The following UNC13B variants were observed in gnomAD, a reference collection of about 807,000 sequenced individuals.
UNC13B encodes unc-13 homolog B, also known as protein unc-13 homolog B.
In UNC13B, 144 loss-of-function variants were observed where a neutral mutation model predicts 211.0. The ratio of observed to expected loss-of-function variants is 0.68; its 90% confidence interval spans 0.60 to 0.78. The LOEUF is 0.78. UNC13B is among the 30% of genes least tolerant of loss of function. The probability of loss-of-function intolerance (pLI) is 0.00; values close to 1 mark genes in which losing one functional copy is unlikely to be tolerated. For synonymous variants in UNC13B, 709 were observed against 725.8 expected, an observed-to-expected ratio of 0.98 and a Z score of 0.37; for missense variants, 1,777 against 2,002.0, an observed-to-expected ratio of 0.89 and a Z score of 2.14.
intron 11 of UNC13B, among the ~76,000 whole-genome samples, chr9:35,324,947 C>T (rs951967981): frequency 6.6e-6 from 1 of 152,158 alleles, no homozygotes; most frequent in African/African-American, 2.4e-5. Flanking sequence ...TTCAGCTTGT[C>T]CCAATCAAAA....
Position 35,398,226 on chromosome 9 carries a change from A to G in UNC13B, c.11770A>G (p.Asn3924Asp). 6.2e-7 allele frequency: 1 copy of G among 1,613,894 alleles called. No homozygotes were observed. Among genetic ancestry groups the G allele is most frequent in the Non-Finnish European group, 8.5e-7 (1 of 1,179,912 alleles). Residue 3924 changes from asparagine (N) to aspartate (D), a missense_variant, in exon 31 of 40, where the codon AAC (asparagine) becomes GAC (aspartate). By Grantham distance (23) the Asn-to-Asp change is conservative. Transcript: ENST00000635942. ...GTCCCCAAAGCCCTGCATCCTGATGAACAACGTGCAGCAACTGAGGGTCCA... is the reference window on the plus strand; with the variant it reads ...GTCCCCAAAGCCCTGCATCCTGATGGACAACGTGCAGCAACTGAGGGTCCA... Reference protein sequence around the residue: ...TKEKLPCILMNNVQQLRVQLE... With the variant: ...TKEKLPCILMDNVQQLRVQLE...
chr9:35,187,312 C>G (rs1440941404), intron 1 of UNC13B, among the ~76,000 whole-genome samples: 2 of 152,206 alleles, frequency 1.3e-5, no homozygotes, highest in Non-Finnish European at 2.9e-5. Context: ...GATAATTGCC[C>G]AGAACTAGCA....
chr9:35,377,728 G>A (rs1391292878), intron 16 of UNC13B, 33 bp downstream of exon 16: 3 of 1,602,890 alleles, frequency 1.9e-6, no homozygotes, highest in Non-Finnish European at 2.6e-6. Context: ...GGACAGGAAG[G>A]CCTGGGCTAT....
In UNC13B at chr9:35,370,407, A is replaced by G. The variant is rs1428611159; in HGVS notation, c.9540+11A>G. The G allele has an allele frequency of 5.6e-6, 9 of 1,612,924 alleles. No individual in the cohort carries two copies. Among genetic ancestry groups the G allele is most frequent in the Admixed American group, 1.7e-5 (1 of 59,976 alleles). On this transcript the variant is annotated intron_variant, in intron 13 of 39. Transcript: ENST00000635942. ...CTTGTCAGTGATCTGGTGAGTGAAGACTCTTGTGCAGGCATAGGCAGTAGC... is the reference window on the plus strand; with the variant it reads ...CTTGTCAGTGATCTGGTGAGTGAAGGCTCTTGTGCAGGCATAGGCAGTAGC...
intron 11 of UNC13B, among the ~76,000 whole-genome samples, chr9:35,326,730 C>T (rs1304389056): frequency 6.6e-6 from 1 of 152,098 alleles, no homozygotes; most frequent in Non-Finnish European, 1.5e-5. Flanking sequence ...AGATTAACAA[C>T]ATAATAAAAT....
At chr9:35,279,873 C>G (rs1384804702) in intron 7 of UNC13B, among the ~76,000 whole-genome samples, 1 of 152,104 alleles carries the variant, frequency 6.6e-6, no homozygotes, top group Non-Finnish European at 1.5e-5. Flanking sequence ...AGATGGCACA[C>G]TGAGGATAGC....
At chr9:35,209,362 C>T (rs1309362936) in intron 1 of UNC13B, among the ~76,000 whole-genome samples, 1 of 151,748 alleles carries the variant, frequency 6.6e-6, no homozygotes, top group Non-Finnish European at 1.5e-5. Context: ...CCACGCCCAG[C>T]CTCCCTTCCA....
chr9:35,255,523 T>C (rs1429590705), intron 6 of UNC13B, among the ~76,000 whole-genome samples: 1 of 151,562 alleles, frequency 6.6e-6, no homozygotes, highest in Non-Finnish European at 1.5e-5. Flanking sequence ...GGCATCAGAG[T>C]TTTTAAAGAT....
intron 11 of UNC13B, among the ~76,000 whole-genome samples, chr9:35,331,694 T>C (rs1417892528): frequency 6.6e-6 from 1 of 152,234 alleles, no homozygotes; most frequent in African/African-American, 2.4e-5. Flanking sequence ...AATACTTTTT[T>C]CTCTCAGTCA....
chr9:35,318,951 C>G (rs1361000466), intron 11 of UNC13B, among the ~76,000 whole-genome samples: 1 of 152,080 alleles, frequency 6.6e-6, no homozygotes, highest in East Asian at 1.9e-4. Flanking sequence ...ACCTGGAACA[C>G]TGCCAGTCAC....
intron 22 of UNC13B, 52 bp downstream of exon 22, chr9:35,384,366 A>G: frequency 2.5e-6 from 4 of 1,585,616 alleles, no homozygotes; most frequent in Non-Finnish European, 8.6e-7. Flanking sequence ...GCACGGTCCC[A>G]GAGAGACTGT....
intron 24 of UNC13B, among the ~76,000 whole-genome samples, chr9:35,386,697 G>T (rs1432629188): frequency 6.6e-6 from 1 of 152,030 alleles, no homozygotes; most frequent in Non-Finnish European, 1.5e-5. Context: ...TGAGCTGCTG[G>T]CTCCTGGAAG....
chr9:35,370,019 A>ATAAAAG (rs1166666152), intron 12 of UNC13B, among the ~76,000 whole-genome samples: 1 of 152,230 alleles, frequency 6.6e-6, no homozygotes. Context: ...CTTATGGAGC[A>ATAAAAG]TAAAAGTGCC....
chr9:35,269,745 C>T (rs976446758), intron 7 of UNC13B, among the ~76,000 whole-genome samples: 1 of 152,188 alleles, frequency 6.6e-6, no homozygotes, highest in Non-Finnish European at 1.5e-5. Context: ...GTTTTAGAAG[C>T]TCTGTGCCAA....
At chr9:35,282,156 A>G (rs75097672) in intron 7 of UNC13B, among the ~76,000 whole-genome samples, 2,069 of 152,312 alleles carry the variant, frequency 0.014, 39 homozygotes, top group African/African-American at 0.046. Flanking sequence ...ACACAGATAT[A>G]TAGACAACTT....
chr9:35,322,794 T>G (rs1830805150), intron 11 of UNC13B, among the ~76,000 whole-genome samples: 1 of 152,040 alleles, frequency 6.6e-6, no homozygotes, highest in Admixed American at 6.6e-5. Context: ...TCCATAATCT[T>G]AAACTCTGGA....
chr9:35,221,555 T>C (rs1824565408), intron 1 of UNC13B, among the ~76,000 whole-genome samples: 1 of 152,236 alleles, frequency 6.6e-6, no homozygotes, highest in African/African-American at 2.4e-5. Context: ...TTGTTGATTG[T>C]TTTCTTTGCT....
intron 1 of UNC13B, among the ~76,000 whole-genome samples, chr9:35,201,799 T>C (rs1236209565): frequency 1.3e-5 from 2 of 152,172 alleles, no homozygotes; most frequent in Non-Finnish European, 2.9e-5. Flanking sequence ...CCTGGATTCA[T>C]TGATTTTTTT....
intron 26 of UNC13B, among the ~76,000 whole-genome samples, chr9:35,393,213 G>A (rs1440824562): frequency 2.0e-5 from 3 of 152,230 alleles, no homozygotes; most frequent in Non-Finnish European, 2.9e-5. Flanking sequence ...CACAAGAGGA[G>A]TAAGTATAGG....
Sources: allele counts gnomAD v4.1 joint callset (sites outside exome capture counted in the v4.1 genomes callset), GRCh38; gene constraint gnomAD v4.1.1; transcripts MANE v1.5; gene names NCBI Gene and HGNC (gene_info 2026-07-23, HGNC 2026-07-21).